Variants in CASP5 observed in about 807,000 individuals in gnomAD.
The protein encoded by CASP5 is caspase-5.
Under a neutral mutation model 45.2 loss-of-function variants are expected in CASP5, and 42 were observed. The observed-to-expected ratio is 0.93, with a 90% CI of 0.73 to 1.20. The LOEUF (loss-of-function observed/expected upper bound fraction) is 1.20, where lower values mean the gene tolerates loss of function less well. Among genes scored for constraint, CASP5 ranks in the 50% most tolerant of loss-of-function variants. CASP5 has a pLI of 0.00. For synonymous variants in CASP5, 209 were observed against 186.2 expected (o/e 1.12, Z -1.00); for missense variants, 512 against 532.2 (o/e 0.96, Z 0.37).
intron 1 of CASP5, among the ~76,000 whole-genome samples, chr11:105,012,608 A>G (rs1168422534): frequency 6.6e-6 from 1 of 151,852 alleles, no homozygotes; most frequent in Non-Finnish European, 1.5e-5. Flanking sequence ...GCCAAGGACC[A>G]AAATAGACAT....
At chr11:104,995,920 G>A in intron 8 of CASP5, 78 bp from the exon 9 acceptor site, 2 of 902,732 alleles carry the variant, frequency 2.2e-6, no homozygotes, top group Admixed American at 2.0e-5. Context: ...ACCAGGAAAT[G>A]CCTGAATGAA....
chr11:105,010,244 A>G (rs1862274215), intron 1 of CASP5, among the ~76,000 whole-genome samples: 1 of 151,148 alleles, frequency 6.6e-6, no homozygotes, highest in Non-Finnish European at 1.5e-5. Flanking sequence ...ACAAAACAGG[A>G]CAAAAAGTTA....
intron 2 of CASP5, among the ~76,000 whole-genome samples, 181 bp from the exon 3 acceptor site, chr11:105,007,515 A>C (rs1394014069): frequency 2.0e-5 from 3 of 152,144 alleles, no homozygotes; most frequent in African/African-American, 7.2e-5. Context: ...TCAAATTCAT[A>C]CCAGACTGTG....
chr11:105,014,501 C>T (rs1370230889), intron 1 of CASP5, among the ~76,000 whole-genome samples: 1 of 152,278 alleles, frequency 6.6e-6, no homozygotes, highest in South Asian at 2.1e-4. Flanking sequence ...ACTTCTGGCA[C>T]TCAAGGGAAG....
chr11:105,020,359 G>A (rs1862884159), intron 1 of CASP5, among the ~76,000 whole-genome samples: 1 of 151,880 alleles, frequency 6.6e-6, no homozygotes, highest in Non-Finnish European at 1.5e-5. Context: ...AAAAGTGGAA[G>A]TCAAATTGTC....
intron 1 of CASP5, among the ~76,000 whole-genome samples, chr11:105,021,012 A>G (rs1862928589): frequency 6.6e-6 from 1 of 152,102 alleles, no homozygotes. Flanking sequence ...CCGCATATCT[A>G]CAACTATCTG....
intron 9 of CASP5, among the ~76,000 whole-genome samples, 190 bp from the exon 10 acceptor site, chr11:104,994,537 AT>A (rs895007059): frequency 6.6e-6 from 1 of 152,198 alleles, no homozygotes; most frequent in Non-Finnish European, 1.5e-5. Flanking sequence ...AAGTTAAATT[AT>A]GTCACTTCTC....
At chr11:105,005,205 A>G (rs1392450218) in intron 3 of CASP5, among the ~76,000 whole-genome samples, 1 of 152,154 alleles carries the variant, frequency 6.6e-6, no homozygotes, top group Non-Finnish European at 1.5e-5. Context: ...TCTCTCAGGA[A>G]TCTGCTCAGG....
intron 1 of CASP5, among the ~76,000 whole-genome samples, chr11:105,014,411 G>C (rs1862489741): frequency 6.6e-6 from 1 of 151,732 alleles, no homozygotes; most frequent in East Asian, 1.9e-4. Context: ...CTTTAATTGT[G>C]ATTTCCAGCC....
intron 3 of CASP5, among the ~76,000 whole-genome samples, chr11:105,004,532 A>G (rs761014618): frequency 5.9e-5 from 9 of 152,176 alleles, no homozygotes; most frequent in Non-Finnish European, 1.3e-4. Context: ...GAAATGGACA[A>G]GTATACTTTT....
chr11:105,008,330 G>T (rs187274291), intron 2 of CASP5, among the ~76,000 whole-genome samples: 2 of 152,194 alleles, frequency 1.3e-5, no homozygotes, highest in African/African-American at 4.8e-5. Context: ...GAGCTCAGAG[G>T]AGAGAGTTCT....
intron 4 of CASP5, among the ~76,000 whole-genome samples, chr11:105,002,715 T>C (rs771994126): frequency 2.0e-5 from 3 of 152,226 alleles, no homozygotes; most frequent in Non-Finnish European, 4.4e-5. Context: ...TGTGGCTTTA[T>C]CTGAAATTGT....
At chr11:105,009,714 T>TACAC (rs367820511) in intron 1 of CASP5, among the ~76,000 whole-genome samples, 1,967 of 71,304 alleles carry the variant, frequency 0.028, 56 homozygotes, top group Middle Eastern at 0.057. Context: ...GATATATATA[T>TACAC]ACACACATAT....
chr11:104,997,704 A>G (rs1447189171), intron 7 of CASP5, among the ~76,000 whole-genome samples: 1 of 152,220 alleles, frequency 6.6e-6, no homozygotes, highest in Admixed American at 6.5e-5. Context: ...GAGATTGCAT[A>G]GTGATTGTAT....
intron 1 of CASP5, among the ~76,000 whole-genome samples, chr11:105,018,967 A>G (rs1028679290): frequency 1.7e-4 from 26 of 150,890 alleles, no homozygotes; most frequent in Middle Eastern, 3.4e-3. Context: ...CTCAGACCAC[A>G]GTGCAATCAA....
chr11:105,021,181 A>T (rs895794115), intron 1 of CASP5, among the ~76,000 whole-genome samples: 5 of 150,898 alleles, frequency 3.3e-5, no homozygotes, highest in African/African-American at 1.2e-4. Context: ...AAGACTTAAA[A>T]GTTAGACCTA....
intron 2 of CASP5, among the ~76,000 whole-genome samples, chr11:105,008,127 G>A (rs2134722366): frequency 6.6e-6 from 1 of 152,180 alleles, no homozygotes; most frequent in Non-Finnish European, 1.5e-5. Context: ...CATTGGTAAA[G>A]CAACCAGTTG....
At chr11:105,021,834 C>T (rs1198652976) in intron 1 of CASP5, among the ~76,000 whole-genome samples, 5 of 150,356 alleles carry the variant, frequency 3.3e-5, no homozygotes, top group Admixed American at 6.7e-5. Flanking sequence ...GACTATAAAT[C>T]ATGCTGCTAT....
intron 6 of CASP5, among the ~76,000 whole-genome samples, chr11:104,999,423 T>C (rs1861619882): frequency 6.6e-6 from 1 of 152,214 alleles, no homozygotes; most frequent in African/African-American, 2.4e-5. Flanking sequence ...ATGGGATATG[T>C]GTACCACATT....
Sources: gnomAD v4.1 joint callset for allele counts (sites outside exome capture counted in the v4.1 genomes callset) on GRCh38, gnomAD v4.1.1 for gene constraint, MANE v1.5 for transcripts, NCBI Gene and HGNC (gene_info 2026-07-23, HGNC 2026-07-21) for gene names.